Variants in MGMT observed in about 807,000 individuals in gnomAD.
The protein encoded by MGMT is methylated-DNA--protein-cysteine methyltransferase.
In MGMT, 14 loss-of-function variants were observed where a neutral mutation model predicts 15.9. The ratio of observed to expected loss-of-function variants is 0.88; its 90% CI spans 0.58 to 1.37. The LOEUF is 1.37. Ranked by LOEUF, MGMT falls within the 40% of genes most tolerant of loss-of-function variation. The pLI, the probability that MGMT is intolerant of heterozygous loss-of-function variation, is 0.00. For synonymous variants in MGMT, 130 were observed against 118.2 expected (o/e 1.10, Z -0.65); for missense variants, 282 against 268.1 (o/e 1.05, Z -0.36).
intron 2 of MGMT, among the ~76,000 whole-genome samples, chr10:129,621,211 C>T (rs1457096583): frequency 6.6e-6 from 1 of 152,214 alleles, no homozygotes. Context: ...TTATTGTTAA[C>T]TTCTCATGAT....
At chr10:129,592,202 A>G (rs1043486401) in intron 2 of MGMT, among the ~76,000 whole-genome samples, 2 of 152,156 alleles carry the variant, frequency 1.3e-5, no homozygotes, top group African/African-American at 4.8e-5. Context: ...ATTTACCCAC[A>G]CTTGGGTTTT....
rs118085747 is a variant in MGMT at position 129,478,756 on chromosome 10, C to A, written c.-13+11460C>A. On this transcript the variant is annotated intron_variant, in intron 1 of 4. Transcript: ENST00000651593. ...TTGGGGGGCCCAGCTGTGCAGGGAG[C>A]AGATGCTGTGGTGAATACAGGTGAA... Among the ~76,000 whole-genome samples, 361 of 152,322 alleles carry A rather than the reference C, an allele frequency of 2.4e-3. 17 individuals carry two copies. In the East Asian group the frequency reaches 0.065, roughly 28 times the overall value.
chr10:129,726,444 A>G (rs575823317), intron 3 of MGMT, among the ~76,000 whole-genome samples: 40 of 152,244 alleles, frequency 2.6e-4, no homozygotes, highest in African/African-American at 8.7e-4. Context: ...GACGCTCTCC[A>G]GCATCACTGC....
chr10:129,726,302 A>G (rs1371127327), intron 3 of MGMT, among the ~76,000 whole-genome samples: 2 of 152,064 alleles, frequency 1.3e-5, no homozygotes, highest in Admixed American at 6.6e-5. Context: ...TACTGGGAAG[A>G]TCTCTGCTGG....
At chr10:129,687,902 G>A (rs1206676939) in intron 2 of MGMT, among the ~76,000 whole-genome samples, 1 of 151,094 alleles carries the variant, frequency 6.6e-6, no homozygotes, top group Non-Finnish European at 1.5e-5. Flanking sequence ...CTGTGTCCAA[G>A]TGTTCTCATT....
intron 2 of MGMT, among the ~76,000 whole-genome samples, chr10:129,547,224 A>G (rs1846106862): frequency 6.6e-6 from 1 of 152,078 alleles, no homozygotes; most frequent in Non-Finnish European, 1.5e-5. Flanking sequence ...CTGTGTCTTG[A>G]TTTCACTGTA....
At chr10:129,507,048 G>C (rs1388373571) in intron 1 of MGMT, among the ~76,000 whole-genome samples, 2 of 152,222 alleles carry the variant, frequency 1.3e-5, no homozygotes, top group African/African-American at 4.8e-5. Context: ...TGTGTCTAAA[G>C]TGGGGGTTCC....
At chr10:129,549,797 C>T (rs1846135984) in intron 2 of MGMT, among the ~76,000 whole-genome samples, 1 of 152,156 alleles carries the variant, frequency 6.6e-6, no homozygotes, top group Non-Finnish European at 1.5e-5. Flanking sequence ...AGGGCGTCTG[C>T]TGCACTCAGC....
chr10:129,676,128 CG>C (rs1847782856), intron 2 of MGMT, among the ~76,000 whole-genome samples: 1 of 152,164 alleles, frequency 6.6e-6, no homozygotes, highest in African/African-American at 2.4e-5. Flanking sequence ...GATGGGGAGT[CG>C]GGGTGAAGCC....
At chr10:129,757,014 G>C (rs1848814804) in intron 3 of MGMT, among the ~76,000 whole-genome samples, 1 of 152,214 alleles carries the variant, frequency 6.6e-6, no homozygotes, top group Non-Finnish European at 1.5e-5. Context: ...TGTGCTCTTT[G>C]AGAGCTGCTT....
chr10:129,473,617 G>A (rs1278819716), intron 1 of MGMT, among the ~76,000 whole-genome samples: 1 of 152,162 alleles, frequency 6.6e-6, no homozygotes, highest in African/African-American at 2.4e-5. Context: ...ATGAGCCTGA[G>A]AAGCTGTTAG....
rs141423376 is a variant in MGMT, at chr10:129,684,666, A to G, written c.126-23229A>G. Among the ~76,000 whole-genome samples the G allele has an allele frequency of 5.4e-3, 820 of 152,334 alleles. 9 individuals carry two copies. Among genetic ancestry groups the G allele is most frequent in the African/African-American group, 0.018 (765 of 41,586 alleles). On this transcript the variant is annotated intron_variant, in intron 2 of 4. Transcript: ENST00000651593. ...AAATCAGAATGGAGCCTTGAAGTTG[A>G]GATGAGCACCACCTAGCTCATTTAG...
intron 2 of MGMT, among the ~76,000 whole-genome samples, chr10:129,604,087 C>T (rs943224799): frequency 6.6e-6 from 1 of 152,142 alleles, no homozygotes; most frequent in Non-Finnish European, 1.5e-5. Context: ...TTTTCTACCC[C>T]AAGCAGTTTC....
At chr10:129,559,122 A>T (rs1230719187) in intron 2 of MGMT, among the ~76,000 whole-genome samples, 1 of 152,162 alleles carries the variant, frequency 6.6e-6, no homozygotes, top group African/African-American at 2.4e-5. Flanking sequence ...CTTAGGCATT[A>T]TCTTGCTTGT....
chr10:129,649,140 C>T (rs1847429048), intron 2 of MGMT, among the ~76,000 whole-genome samples: 1 of 152,174 alleles, frequency 6.6e-6, no homozygotes, highest in Non-Finnish European at 1.5e-5. Flanking sequence ...TCACAGCCCC[C>T]TGTTTTGTCA....
At chr10:129,641,943 C>G (rs1847332070) in intron 2 of MGMT, among the ~76,000 whole-genome samples, 1 of 152,212 alleles carries the variant, frequency 6.6e-6, no homozygotes, top group South Asian at 2.1e-4. Context: ...GTTCAAGGAG[C>G]AGCCTCTGGG....
intron 2 of MGMT, among the ~76,000 whole-genome samples, chr10:129,545,899 A>G (rs1846093135): frequency 6.6e-6 from 1 of 152,242 alleles, no homozygotes; most frequent in South Asian, 2.1e-4. Context: ...CCTTGATATT[A>G]ATGTACAGGG....
chr10:129,608,285 T>C (rs930358307), intron 2 of MGMT, among the ~76,000 whole-genome samples: 4 of 152,214 alleles, frequency 2.6e-5, no homozygotes, highest in African/African-American at 9.7e-5. Flanking sequence ...GTGGAAATAG[T>C]CCCTACACAG....
At chr10:129,746,250 A>C (rs1031815774) in intron 3 of MGMT, among the ~76,000 whole-genome samples, 1 of 151,150 alleles carries the variant, frequency 6.6e-6, no homozygotes, top group African/African-American at 2.4e-5. Context: ...AAAAAAAAAA[A>C]AAAAACAAAC....
Sources: gnomAD v4.1 joint callset for allele counts (sites outside exome capture counted in the v4.1 genomes callset) on GRCh38, gnomAD v4.1.1 for gene constraint, MANE v1.5 for transcripts, NCBI Gene and HGNC (gene_info 2026-07-23, HGNC 2026-07-21) for gene names.